The following KIF16B variants were observed in gnomAD, a reference collection of about 807,000 sequenced individuals.
KIF16B encodes the protein kinesin-like protein KIF16B.
A neutral mutation model predicts 156.3 loss-of-function variants in KIF16B; 98 were observed. The observed-to-expected ratio is 0.63, with a 90% CI of 0.53 to 0.74. KIF16B has a LOEUF of 0.74. KIF16B is among the 30% of genes least tolerant of loss of function. The pLI is 0.00. For missense variants in KIF16B, 1,421 were observed against 1,606.5 expected (o/e 0.88, Z 1.97); for synonymous variants, 564 against 583.7 (o/e 0.97, Z 0.49).
intron 12 of KIF16B, among the ~76,000 whole-genome samples, chr20:16,449,228 G>T (rs2067015378): frequency 6.6e-6 from 1 of 151,968 alleles, no homozygotes; most frequent in Admixed American, 6.6e-5. Context: ...CAAAAAAGGG[G>T]GTCTCTGAAT....
intron 25 of KIF16B, among the ~76,000 whole-genome samples, chr20:16,282,908 C>A (rs531616059): frequency 4.5e-4 from 68 of 152,296 alleles, no homozygotes; most frequent in Non-Finnish European, 8.8e-5. Flanking sequence ...GCTTATGATG[C>A]CAGAGGACTT....
chr20:16,419,526 T>C (rs973037261), intron 15 of KIF16B, among the ~76,000 whole-genome samples: 2 of 152,152 alleles, frequency 1.3e-5, no homozygotes, highest in Non-Finnish European at 1.5e-5. Flanking sequence ...CTCTGAGTAC[T>C]TGAATAGATG....
At chr20:16,461,971 G>A (rs532152145) in intron 12 of KIF16B, among the ~76,000 whole-genome samples, 3 of 152,260 alleles carry the variant, frequency 2.0e-5, no homozygotes, top group East Asian at 3.9e-4. Context: ...ATCTACAGCC[G>A]GGCATGGTAG....
chr20:16,369,969 T>C (rs2064776828), intron 22 of KIF16B, among the ~76,000 whole-genome samples: 2 of 152,180 alleles, frequency 1.3e-5, no homozygotes, highest in Non-Finnish European at 2.9e-5. Context: ...GCGGCCAAAG[T>C]CAGCTCAGCC....
intron 1 of KIF16B, among the ~76,000 whole-genome samples, chr20:16,548,510 TCAG>T (rs1309513383): frequency 6.6e-6 from 1 of 152,170 alleles, no homozygotes; most frequent in East Asian, 1.9e-4. Context: ...TCCTGTCATA[TCAG>T]CAGCATTACA....
In KIF16B at chr20:16,498,927, T is replaced by G. The variant is rs981547209; in HGVS notation, c.1177-1249A>C. Among the ~76,000 whole-genome samples the G allele has an allele frequency of 5.4e-5, 8 of 148,604 alleles. 1 individual carries two copies. In the South Asian group the frequency reaches 1.7e-3, roughly 32 times the overall value. ...ACAAGGTGATCTTCTTCGGCACTGT[T>G]AAACATTCAAACTATGAAGACTACC... On this transcript the variant is annotated intron_variant, in intron 10 of 25. Transcript: ENST00000354981.
chr20:16,420,625 G>A (rs909141975), intron 15 of KIF16B, among the ~76,000 whole-genome samples: 5 of 152,098 alleles, frequency 3.3e-5, no homozygotes, highest in Non-Finnish European at 7.4e-5. Flanking sequence ...GAGTTACCAC[G>A]CAGCCGCAGT....
chr20:16,462,758 A>C (rs1025961663), intron 12 of KIF16B, among the ~76,000 whole-genome samples: 1 of 152,222 alleles, frequency 6.6e-6, no homozygotes, highest in Non-Finnish European at 1.5e-5. Context: ...AGCCTAAAAA[A>C]ATCGAGCTGC....
intron 12 of KIF16B, among the ~76,000 whole-genome samples, chr20:16,483,435 A>G (rs2068033724): frequency 6.6e-6 from 1 of 152,224 alleles, no homozygotes; most frequent in Non-Finnish European, 1.5e-5. Context: ...CATACCTTAA[A>G]AAGTTTCCAT....
At position 16,427,155 on chromosome 20, in the gene KIF16B, G is replaced by GGGACCCA. The variant is rs567324742; in HGVS notation, c.1554_1560dup (p.Gln521TrpfsTer34). The GGGACCCA allele has an allele frequency of 4.9e-4, 793 of 1,612,954 alleles. No homozygotes were observed. The highest frequency in any genetic ancestry group is 6.5e-4 in the Non-Finnish European group (764 of 1,179,324). On this transcript the variant is annotated frameshift_variant, in exon 15 of 26. Transcript: ENST00000354981. LOFTEE classifies it high-confidence loss of function. ...ATCTGAACACCATTCACAGAGCACTGGGACCCACTCAGGGGTATCAGAGTC... is the reference window on the plus strand; with the variant it reads ...ATCTGAACACCATTCACAGAGCACTGGGACCCAGGACCCACTCAGGGGTATCAGAGTC...
intron 15 of KIF16B, among the ~76,000 whole-genome samples, chr20:16,418,054 A>T (rs921171445): frequency 3.8e-4 from 58 of 152,166 alleles, no homozygotes; most frequent in African/African-American, 1.3e-3. Flanking sequence ...AAACCCAAAC[A>T]GGTTAACCCC....
intron 12 of KIF16B, among the ~76,000 whole-genome samples, chr20:16,488,586 C>T (rs1432509646): frequency 6.6e-6 from 1 of 152,138 alleles, no homozygotes; most frequent in African/African-American, 2.4e-5. Context: ...ACATAGGGGA[C>T]TTGTAAAAGC....
At chr20:16,387,529 CAAAG>C (rs2065257633) in intron 17 of KIF16B, among the ~76,000 whole-genome samples, 1 of 152,074 alleles carries the variant, frequency 6.6e-6, no homozygotes, top group Non-Finnish European at 1.5e-5. Flanking sequence ...GAAAAGAAAT[CAAAG>C]AAAGTCTCCA....
intron 16 of KIF16B, 59 bp downstream of exon 16, chr20:16,406,315 C>T: frequency 8.6e-6 from 12 of 1,398,450 alleles, no homozygotes; most frequent in Non-Finnish European, 1.2e-5. Context: ...GAGTGACCAC[C>T]ACCCACTCAT....
intron 12 of KIF16B, among the ~76,000 whole-genome samples, chr20:16,467,766 T>C (rs956415168): frequency 6.6e-6 from 1 of 151,344 alleles, no homozygotes; most frequent in East Asian, 1.9e-4. Context: ...TGTGGAACTG[T>C]CCTTCAGAAA....
chr20:16,345,209 G>A (rs1430165141), intron 23 of KIF16B, among the ~76,000 whole-genome samples: 1 of 152,130 alleles, frequency 6.6e-6, no homozygotes, highest in African/African-American at 2.4e-5. Flanking sequence ...TTTTTCTCAC[G>A]TGTTTCTCTT....
At chr20:16,479,717 A>G (rs956157602) in intron 12 of KIF16B, among the ~76,000 whole-genome samples, 4 of 152,158 alleles carry the variant, frequency 2.6e-5, no homozygotes, top group Non-Finnish European at 5.9e-5. Flanking sequence ...ACAGTGTTCA[A>G]TAGAGTAACA....
chr20:16,386,786 T>C (rs558829298), intron 17 of KIF16B, among the ~76,000 whole-genome samples: 1 of 152,210 alleles, frequency 6.6e-6, no homozygotes, highest in Non-Finnish European at 1.5e-5. Flanking sequence ...TTCTGGCTCC[T>C]ATATGACCAA....
chr20:16,325,270 A>C (rs548675092), intron 24 of KIF16B, among the ~76,000 whole-genome samples: 2 of 152,020 alleles, frequency 1.3e-5, no homozygotes, highest in Admixed American at 6.6e-5. Context: ...ACTTTCACCA[A>C]TTCTATTCAG....
Sources: gnomAD v4.1 joint callset for allele counts (sites outside exome capture counted in the v4.1 genomes callset) on GRCh38, gnomAD v4.1.1 for gene constraint, MANE v1.5 for transcripts, NCBI Gene and HGNC (gene_info 2026-07-23, HGNC 2026-07-21) for gene names.